Variants in KHDC4 observed in about 807,000 individuals in gnomAD.
KHDC4 encodes the protein KH domain containing 4, pre-mRNA splicing factor.
KHDC4 carries 19 observed loss-of-function variants against 74.5 expected under a neutral mutation model. That is an observed-to-expected ratio of 0.26 (90% CI 0.18 to 0.37). KHDC4 has a LOEUF of 0.37. KHDC4 is among the 10% of genes least tolerant of loss of function. The pLI, the probability that KHDC4 is intolerant of heterozygous loss-of-function variation, is 1.00. For synonymous variants in KHDC4, 253 were observed against 266.1 expected (o/e 0.95, Z 0.48); for missense variants, 632 against 754.1 (o/e 0.84, Z 1.90).
chr1:155,931,684 C>T (rs1674145313), intron 2 of KHDC4, among the ~76,000 whole-genome samples: 1 of 152,234 alleles, frequency 6.6e-6, no homozygotes, highest in Non-Finnish European at 1.5e-5. Flanking sequence ...CCGCTTTAAC[C>T]TCCTGAGTAG....
rs1436599380 is a variant in KHDC4 at position 155,916,694 on chromosome 1, C to G, written c.1484G>C (p.Ser495Thr). ...TCCTGCACCTTCAATCTCATTCTGA[C>G]TGGAGAAGCCTGTACCTAAATTAGT... ...HMTNLGTGFS[S>T]QNEIEGAGSK... Residue 495 changes from serine (S) to threonine (T), a missense_variant, in exon 12 of 14, where the codon AGT becomes ACT. Physicochemically the swap from Ser to Thr is moderately conservative, Grantham distance 58. Coordinates refer to ENST00000368321, the MANE Select transcript of KHDC4 (RefSeq NM_014949.4). 1 of 1,614,028 alleles carries G rather than the reference C, an allele frequency of 6.2e-7. No homozygotes were observed. The highest frequency in any genetic ancestry group is 8.5e-7 in the Non-Finnish European group (1 of 1,180,008).
chr1:155,921,737 T>C (rs1231364784), intron 9 of KHDC4, 109 bp from the exon 10 acceptor site: 2 of 1,460,186 alleles, frequency 1.4e-6, no homozygotes, highest in Non-Finnish European at 1.9e-6. Flanking sequence ...ATGAATGGCT[T>C]TCCAAATTAC....
chr1:155,927,825 A>AC (rs1674042070), intron 4 of KHDC4, among the ~76,000 whole-genome samples: 1 of 83,312 alleles, frequency 1.2e-5, no homozygotes, highest in African/African-American at 4.6e-5. Context: ...AAAAAAAAAA[A>AC]AAAAAACCAC....
chr1:155,916,578 G>A (rs761653147), intron 12 of KHDC4, 47 bp downstream of exon 12: 21 of 1,279,902 alleles, frequency 1.6e-5, no homozygotes, highest in Non-Finnish European at 2.1e-5. Context: ...CACTAATGGT[G>A]CAAACAAATA....
In KHDC4 at chr1:155,914,063, A is replaced by G; in HGVS notation, c.*58T>C. 13 of 1,405,714 alleles carry G rather than the reference A, an allele frequency of 9.2e-6. No homozygotes were observed. The highest frequency in any genetic ancestry group is 1.2e-5 in the Non-Finnish European group (12 of 990,534). The allele number at this position is 1,405,714 out of a possible 1,614,324, so 87.1% of individuals were successfully genotyped here. A position where few individuals can be genotyped will look rare whatever the true frequency, so the allele number is the denominator to read the frequency against. On this transcript the variant is annotated 3_prime_UTR_variant, in exon 14 of 14. Coordinates refer to ENST00000368321, the MANE Select transcript of KHDC4 (RefSeq NM_014949.4). The stretch of plus-strand genomic sequence containing the variant: ...AGGCCCCAGAGTCTTGTTAAATCAA[A>G]TGCATGCATTATTGCTAAGAAGAGT...
At chr1:155,914,701 G>A (rs1485660703) in intron 13 of KHDC4, 1 of 190,430 alleles carries the variant, frequency 5.3e-6, no homozygotes, top group Non-Finnish European at 1.1e-5. Context: ...TATGAGTACA[G>A]GCAAAGAATA....
chr1:155,914,991 C>T (rs1328478106), intron 13 of KHDC4: 4 of 152,172 alleles, frequency 2.6e-5, no homozygotes, highest in Non-Finnish European at 5.9e-5. Context: ...TCTAGATACA[C>T]GTTGGTTGGA....
rs1221523971 is a variant in KHDC4 at position 155,925,686 on chromosome 1, C to T, written c.839G>A (p.Cys280Tyr). 1 of 1,614,196 alleles carries T rather than the reference C, an allele frequency of 6.2e-7. No individual in the cohort carries two copies. Among genetic ancestry groups the T allele is most frequent in the Non-Finnish European group, 8.5e-7 (1 of 1,180,038 alleles). ...KVFLRGKGSG[C>Y]IEPASGREAF... ...TTCTCGGCCAGATGCTGGCTCAATG[C>T]AGCCTGAACCTTTGCCCCGCAGGAA... Residue 280 changes from cysteine to tyrosine, a missense_variant, in exon 7 of 14, where the codon TGC becomes TAC. By Grantham distance (194) the Cys-to-Tyr change is radical. Transcript: ENST00000368321.
At position 155,921,885 on chromosome 1, in the gene KHDC4, T is replaced by A; in HGVS notation, c.988A>T (p.Ile330Phe). ...CCTGGTAAAGGTACAGCAGTATTAA[T>A]CTGATTCACAAATCTAGAGTATTCA... ...HAEYSRFVNQINTAVPLPGYT... is the reference protein window; with the variant it reads ...HAEYSRFVNQFNTAVPLPGYT... Residue 330 changes from isoleucine to phenylalanine, a missense_variant, in exon 9 of 14, where the codon ATT becomes TTT. Around this residue, in one of 4 missense-constraint regions of KHDC4, gnomAD observed 233 missense variants for 342.6 expected, o/e 0.68. Coordinates refer to ENST00000368321, the MANE Select transcript of KHDC4 (RefSeq NM_014949.4). The A allele has an allele frequency of 6.2e-7, 1 of 1,608,802 alleles. No homozygotes were observed. The highest frequency in any genetic ancestry group is 8.5e-7 in the Non-Finnish European group (1 of 1,176,496).
intron 2 of KHDC4, among the ~76,000 whole-genome samples, chr1:155,931,746 A>G (rs1412277642): frequency 6.6e-6 from 1 of 152,230 alleles, no homozygotes; most frequent in Non-Finnish European, 1.5e-5. Context: ...AATCTGCTCA[A>G]GAAGGTAACA....
At chr1:155,914,377 A>G in intron 13 of KHDC4, 57 bp from the exon 14 acceptor site, 1 of 1,289,068 alleles carries the variant, frequency 7.8e-7, no homozygotes, top group South Asian at 1.3e-5. Context: ...AAAAAAAAAT[A>G]CCATAAATTC....
rs374354660 is a variant in KHDC4 at position 155,926,725 on chromosome 1, A to T, written c.632T>A (p.Ile211Asn). The change falls in exon 6 of 14, where the codon ATC becomes AAC. Residue 211 changes from isoleucine (I) to asparagine (N), a missense_variant. By Grantham distance (149) the Ile-to-Asn change is moderately radical. Coordinates refer to ENST00000368321, the MANE Select transcript of KHDC4 (RefSeq NM_014949.4). The stretch of plus-strand genomic sequence containing the variant: ...GCTAACAGCTGGAGACAACTGAGCG[A>T]TGGGTGCTGGCTGGTGATAGACAGT... ...TVTVYHQPAP[I>N]AQLSPAVSQK... The T allele has an allele frequency of 9.6e-5, 155 of 1,614,058 alleles. 2 individuals are homozygous for T. The highest frequency in any genetic ancestry group is 1.0e-4 in the Admixed American group (6 of 59,992).
chr1:155,932,504 G>A (rs1196159207), intron 2 of KHDC4: 2 of 151,976 alleles, frequency 1.3e-5, no homozygotes, highest in East Asian at 1.9e-4. Context: ...GTATCCTGCT[G>A]AGGTCAACTA....
At chr1:155,914,365 A>C (rs754508184) in intron 13 of KHDC4, 45 bp from the exon 14 acceptor site, 15 of 630,592 alleles carry the variant, frequency 2.4e-5, no homozygotes, top group Middle Eastern at 3.5e-4. Context: ...CCGCCAAGGG[A>C]AAAAAAAAAA....
intron 4 of KHDC4, among the ~76,000 whole-genome samples, chr1:155,927,529 G>A (rs1674029540): frequency 6.6e-6 from 1 of 152,098 alleles, no homozygotes; most frequent in African/African-American, 2.4e-5. Context: ...GGCAAGCTGG[G>A]TGCTGTGGCT....
intron 2 of KHDC4, among the ~76,000 whole-genome samples, chr1:155,933,137 T>C (rs1289889983): frequency 2.6e-5 from 4 of 152,184 alleles, no homozygotes; most frequent in East Asian, 1.9e-4. Flanking sequence ...ATTTGGTCCA[T>C]AAATGTAATC....
intron 2 of KHDC4, chr1:155,932,178 T>C (rs575859800): frequency 6.6e-6 from 1 of 152,316 alleles, no homozygotes; most frequent in South Asian, 2.1e-4. Context: ...TGGAGTGCAA[T>C]GGCAAAATGA....
intron 1 of KHDC4, among the ~76,000 whole-genome samples, chr1:155,934,064 T>C (rs983248222): frequency 6.6e-6 from 1 of 152,084 alleles, no homozygotes; most frequent in Non-Finnish European, 1.5e-5. Context: ...GTTTCTACTG[T>C]CACCTATATC....
At chr1:155,921,242 G>A in intron 10 of KHDC4, 133 bp downstream of exon 10, 1 of 1,025,228 alleles carries the variant, frequency 9.8e-7, no homozygotes, top group Non-Finnish European at 1.5e-6. Flanking sequence ...TAGGTTGGTG[G>A]TAGGAACACA....
Sources: allele counts gnomAD v4.1 joint callset (sites outside exome capture counted in the v4.1 genomes callset), GRCh38; gene constraint gnomAD v4.1.1; regional missense constraint gnomAD v4.1.1; transcripts MANE v1.5; gene names NCBI Gene and HGNC (gene_info 2026-07-23, HGNC 2026-07-21).